The following NCKAP5 variants were observed in gnomAD, a reference collection of about 807,000 sequenced individuals.
NCKAP5 encodes the protein nck-associated protein 5.
In NCKAP5, 92 loss-of-function variants were observed where a neutral mutation model predicts 167.0. The observed-to-expected ratio is 0.55, with a 90% CI of 0.47 to 0.66. NCKAP5 has a LOEUF of 0.66. Among genes scored for constraint, NCKAP5 ranks in the 30% least tolerant of loss-of-function variants. The pLI, the probability that NCKAP5 is intolerant of heterozygous loss-of-function variation, is 0.00. For synonymous variants in NCKAP5, 891 were observed against 877.4 expected (o/e 1.02, Z -0.27); for missense variants, 2,378 against 2,315.0 (o/e 1.03, Z -0.56).
At chr2:133,437,962 G>A (rs373484324) in intron 3 of NCKAP5, among the ~76,000 whole-genome samples, 18 of 152,288 alleles carry the variant, frequency 1.2e-4, no homozygotes, top group African/African-American at 4.1e-4. Flanking sequence ...ATTTGAAGAA[G>A]GGATTTGCCT....
At chr2:133,431,788 A>C (rs1251822679) in intron 3 of NCKAP5, 1 of 152,196 alleles carries the variant, frequency 6.6e-6, no homozygotes, top group African/African-American at 2.4e-5. Context: ...GCTGATAAAG[A>C]AGTAAGGAAA....
At chr2:133,177,557 C>T (rs2084524487) in intron 5 of NCKAP5, among the ~76,000 whole-genome samples, 1 of 152,170 alleles carries the variant, frequency 6.6e-6, no homozygotes, top group Non-Finnish European at 1.5e-5. Context: ...ATATCCTGAC[C>T]TAAGCTCTCA....
chr2:133,441,956 C>A (rs1690887992), intron 3 of NCKAP5, among the ~76,000 whole-genome samples: 1 of 152,026 alleles, frequency 6.6e-6, no homozygotes, highest in South Asian at 2.1e-4. Context: ...TTCCCAAATA[C>A]AATATAATTG....
chr2:133,108,027 G>T (rs1467900048), intron 6 of NCKAP5, among the ~76,000 whole-genome samples: 1 of 152,148 alleles, frequency 6.6e-6, no homozygotes, highest in East Asian at 1.9e-4. Flanking sequence ...TATTTTTCAA[G>T]TTCCCTTCCC....
At chr2:133,104,201 C>T (rs1310251318) in intron 6 of NCKAP5, among the ~76,000 whole-genome samples, 2 of 152,094 alleles carry the variant, frequency 1.3e-5, no homozygotes, top group African/African-American at 4.8e-5. Flanking sequence ...CAGCCAGCTC[C>T]AGCAGCACCC....
chr2:133,442,458 C>T (rs1332609854), intron 3 of NCKAP5, among the ~76,000 whole-genome samples: 1 of 152,196 alleles, frequency 6.6e-6, no homozygotes, highest in African/African-American at 2.4e-5. Flanking sequence ...AACTTATTGT[C>T]CGCACCAGGG....
At chr2:132,687,083 T>C (rs893346666) in intron 19 of NCKAP5, among the ~76,000 whole-genome samples, 1 of 152,102 alleles carries the variant, frequency 6.6e-6, no homozygotes, top group Non-Finnish European at 1.5e-5. Context: ...ATAAACAAAA[T>C]GAATTAGGGA....
At chr2:133,077,502 A>C (rs1048393743) in intron 6 of NCKAP5, among the ~76,000 whole-genome samples, 18 of 152,196 alleles carry the variant, frequency 1.2e-4, no homozygotes, top group African/African-American at 4.3e-4. Flanking sequence ...TTTGGAAAGA[A>C]TCTCTTTCTG....
intron 8 of NCKAP5, among the ~76,000 whole-genome samples, chr2:132,924,612 C>T (rs12469430): frequency 0.1 from 15,349 of 152,142 alleles, 1,390 homozygotes; most frequent in Admixed American, 0.25. Context: ...ATAATTGGTG[C>T]AAGACAACCC....
At chr2:133,126,950 G>A (rs1217934869) in intron 6 of NCKAP5, among the ~76,000 whole-genome samples, 3 of 151,856 alleles carry the variant, frequency 2.0e-5, no homozygotes, top group East Asian at 3.9e-4. Flanking sequence ...TTGAGAAAGT[G>A]GTTATTAGCT....
intron 4 of NCKAP5, among the ~76,000 whole-genome samples, chr2:133,252,947 T>A (rs554464379): frequency 6.6e-6 from 1 of 152,342 alleles, no homozygotes. Context: ...TCAGGGGGTC[T>A]GCAGATAGCA....
chr2:133,014,722 G>A (rs958516819), intron 6 of NCKAP5, among the ~76,000 whole-genome samples: 3 of 152,162 alleles, frequency 2.0e-5, no homozygotes, highest in Non-Finnish European at 4.4e-5. Flanking sequence ...AATATTAAAT[G>A]ATGTACTCCA....
the NCKAP5 span, among the ~76,000 whole-genome samples, chr2:133,588,366 T>C: frequency 0.28 from 35,054 of 126,582 alleles, 5,202 homozygotes; most frequent in Non-Finnish European, 0.35. Context: ...CCCTTCCCTC[T>C]TTCCTTTCTT....
At chr2:133,316,213 C>T (rs1381622348) in intron 3 of NCKAP5, among the ~76,000 whole-genome samples, 1 of 152,224 alleles carries the variant, frequency 6.6e-6, no homozygotes, top group Non-Finnish European at 1.5e-5. Flanking sequence ...GCAACCAACA[C>T]ACTGAACCTT....
At chr2:132,842,956 T>C (rs1688399090) in intron 11 of NCKAP5, among the ~76,000 whole-genome samples, 1 of 152,214 alleles carries the variant, frequency 6.6e-6, no homozygotes, top group Non-Finnish European at 1.5e-5. Flanking sequence ...TCACATTTGC[T>C]ATCTTCTTTG....
chr2:133,193,553 T>C (rs1283972558), intron 5 of NCKAP5, among the ~76,000 whole-genome samples: 4 of 152,114 alleles, frequency 2.6e-5, no homozygotes, highest in Non-Finnish European at 5.9e-5. Flanking sequence ...CCTTAAAATT[T>C]AGTGTATTCT....
chr2:133,151,184 A>G (rs771271528), intron 5 of NCKAP5, among the ~76,000 whole-genome samples: 1 of 152,180 alleles, frequency 6.6e-6, no homozygotes, highest in Non-Finnish European at 1.5e-5. Flanking sequence ...ACCTCAATAA[A>G]AAGTTTTTTT....
At chr2:133,020,196 C>T (rs554168642) in intron 6 of NCKAP5, among the ~76,000 whole-genome samples, 1 of 152,304 alleles carries the variant, frequency 6.6e-6, no homozygotes, top group East Asian at 1.9e-4. Flanking sequence ...CTTTGTTCAG[C>T]TAAAGACAGG....
Position 133,548,930 on chromosome 2 carries a change from G to T in NCKAP5, c.-62+10120C>A, listed in dbSNP as rs550436205. ...AATGCTCCAATTAAAAGACACAGAC[G>T]GGCAAATTGGATCAAGAGTCAAGAC... On this transcript the variant is annotated intron_variant, in intron 2 of 19. Coordinates refer to ENST00000409261, the MANE Select transcript of NCKAP5 (RefSeq NM_207363.3). 2.8e-3 allele frequency among the ~76,000 whole-genome samples: 419 copies of T among 150,036 alleles called. 6 individuals are homozygous for T. Among genetic ancestry groups the T allele is most frequent in the East Asian group, 7.0e-3 (36 of 5,178 alleles).
Sources: gnomAD v4.1 joint callset for allele counts (sites outside exome capture counted in the v4.1 genomes callset) on GRCh38, gnomAD v4.1.1 for gene constraint, MANE v1.5 for transcripts, NCBI Gene and HGNC (gene_info 2026-07-23, HGNC 2026-07-21) for gene names.